The following FAM90A20 variants were observed in gnomAD, a reference collection of about 807,000 sequenced individuals.
FAM90A20 encodes family with sequence similarity 90 member A20.
At chr8:7,297,574 C>T in the FAM90A20 span, 6 of 1,511,298 alleles carry the variant, frequency 4.0e-6, no homozygotes, top group East Asian at 2.2e-5. Flanking sequence ...CCTTCCAGAT[C>T]CCCGAAAGCA....
chr8:7,296,519 G>C, the FAM90A20 span: 3 of 635,004 alleles, frequency 4.7e-6, no homozygotes, highest in East Asian at 9.1e-5. Context: ...CTTGGGGTCA[G>C]GGCCTCCACG....
chr8:7,297,686 C>G, the FAM90A20 span: 12 of 1,407,366 alleles, frequency 8.5e-6, no homozygotes, highest in East Asian at 2.3e-5. Context: ...CAGGAGGACA[C>G]CGGCCCAGGT....
At chr8:7,296,506 C>T in the FAM90A20 span, 2 of 644,628 alleles carry the variant, frequency 3.1e-6, no homozygotes, top group East Asian at 3.0e-5. Context: ...TCTTTCTTGT[C>T]TTCTTGGGGT....
the FAM90A20 span, chr8:7,297,608 G>A: frequency 1.3e-5 from 19 of 1,454,568 alleles, 4 homozygotes; most frequent in East Asian, 2.0e-4. Context: ...TGAGCTGGGG[G>A]CCCCGGAGAA....
the FAM90A20 span, chr8:7,295,132 C>T: frequency 1.5e-5 from 1 of 66,934 alleles, no homozygotes; most frequent in Non-Finnish European, 2.4e-5. Context: ...GAAGAAGATC[C>T]CAGGGTAAGT....
At chr8:7,296,420 G>C in the FAM90A20 span, 2 of 732,460 alleles carry the variant, frequency 2.7e-6, no homozygotes, top group Non-Finnish European at 5.0e-6. Context: ...CCGGGCCCCT[G>C]GTCCTTTTAT....
At chr8:7,297,616 G>T in the FAM90A20 span, 3 of 1,436,994 alleles carry the variant, frequency 2.1e-6, no homozygotes, top group Non-Finnish European at 2.8e-6. Flanking sequence ...GGGCCCCGGA[G>T]AATCTCCAAC....
At chr8:7,296,724 G>T in the FAM90A20 span, among the ~76,000 whole-genome samples, 1 of 135,674 alleles carries the variant, frequency 7.4e-6, no homozygotes, top group Non-Finnish European at 1.5e-5. Flanking sequence ...AAGACGTCCC[G>T]AGTACCCTTG....
the FAM90A20 span, chr8:7,295,859 C>G: frequency 2.0e-5 from 14 of 688,698 alleles, 1 homozygote; most frequent in East Asian, 3.1e-4. Context: ...TTTCACCACT[C>G]TTAGGGTACT....
At chr8:7,296,745 C>G in the FAM90A20 span, among the ~76,000 whole-genome samples, 1 of 135,984 alleles carries the variant, frequency 7.4e-6, no homozygotes, top group South Asian at 2.2e-4. Flanking sequence ...AGCCACCAAC[C>G]TGCCTTCGGA....
chr8:7,296,982 C>T, the FAM90A20 span: 55 of 1,234,008 alleles, frequency 4.5e-5, 7 homozygotes, highest in South Asian at 6.7e-4. Flanking sequence ...GGTGTGTGCA[C>T]CTTGTCTTTG....
chr8:7,297,807 G>C, the FAM90A20 span: 2 of 1,189,118 alleles, frequency 1.7e-6, no homozygotes, highest in African/African-American at 2.4e-5. Flanking sequence ...CAGCCTCTCA[G>C]AGTGCTCTTC....
the FAM90A20 span, chr8:7,296,431 C>A: frequency 9.7e-6 from 7 of 722,976 alleles, 1 homozygote; most frequent in Admixed American, 3.6e-5. Flanking sequence ...GTCCTTTTAT[C>A]CTCTAGGTAA....
At chr8:7,297,411 A>G in the FAM90A20 span, 812 of 1,549,298 alleles carry the variant, frequency 5.2e-4, 76 homozygotes, top group Non-Finnish European at 6.4e-4. Flanking sequence ...GCACAAGACA[A>G]ACGTCCTGCG....
At chr8:7,297,224 C>T in the FAM90A20 span, 4 of 1,522,352 alleles carry the variant, frequency 2.6e-6, no homozygotes, top group Non-Finnish European at 2.7e-6. Flanking sequence ...AAGTCTTGGA[C>T]CAAAGGAAAG....
chr8:7,297,699 C>G, the FAM90A20 span: 4 of 1,429,948 alleles, frequency 2.8e-6, no homozygotes, highest in East Asian at 4.5e-5. Context: ...GCCCAGGTGC[C>G]CAGCGTTGAA....
chr8:7,295,571 G>A, the FAM90A20 span: 15 of 671,426 alleles, frequency 2.2e-5, 3 homozygotes, highest in Admixed American at 6.1e-5. Context: ...CAATGTTAAC[G>A]TGGGATCGCT....
chr8:7,297,721 G>A, the FAM90A20 span: 33 of 1,494,640 alleles, frequency 2.2e-5, 1 homozygote, highest in South Asian at 1.3e-4. Flanking sequence ...GGCAGCCTCC[G>A]CACCGCAGAC....
chr8:7,296,668 G>C, the FAM90A20 span, among the ~76,000 whole-genome samples: 11,037 of 134,612 alleles, frequency 0.082, 2,888 homozygotes, highest in African/African-American at 0.23. Flanking sequence ...CTCAGAGGCC[G>C]CAAACGTGGA....
Sources: gnomAD v4.1 joint callset for allele counts (sites outside exome capture counted in the v4.1 genomes callset) on GRCh38, gnomAD v4.1.1 for gene constraint, MANE v1.5 for transcripts, NCBI Gene and HGNC (gene_info 2026-07-23, HGNC 2026-07-21) for gene names.